Variants in CDKL5 observed in about 807,000 individuals in gnomAD.
CDKL5 encodes cyclin dependent kinase like 5.
A neutral mutation model predicts 61.7 loss-of-function variants in CDKL5; 8 were observed. That is an observed-to-expected ratio of 0.13 (90% CI 0.08 to 0.23). The LOEUF is 0.23. Among genes scored for constraint, CDKL5 ranks in the 10% least tolerant of loss-of-function variants. CDKL5 has a pLI of 1.00. For synonymous variants in CDKL5, 275 were observed against 272.3 expected (o/e 1.01, Z -0.10); for missense variants, 440 against 734.5 (o/e 0.60, Z 4.63).
chrX:18,531,341 A>C (rs141459228), intron 3 of CDKL5, among the ~76,000 whole-genome samples: 1,622 of 112,051 alleles, frequency 0.014, 18 homozygotes, highest in Middle Eastern at 0.046. Context: ...TTTCAAATTA[A>C]TTTTCCTTGT....
chrX:18,612,947 C>A (rs1172779755), intron 14 of CDKL5, among the ~76,000 whole-genome samples: 1 of 109,253 alleles, frequency 9.2e-6, no homozygotes, highest in Non-Finnish European at 1.9e-5. Context: ...AAGAGAACAT[C>A]AGCCGTCTGT....
intron 9 of CDKL5, chrX:18,588,919 A>AAAAAC (rs1569215818): frequency 1.0e-4 from 11 of 109,229 alleles, no homozygotes; most frequent in African/African-American, 3.7e-4. Context: ...GTCTCAAAAA[A>AAAAAC]AAAAACAAAA....
chrX:18,632,813 C>G lies in CDKL5; in HGVS notation c.*4056C>G. The G allele has an allele frequency of 1.3e-6, 1 of 753,205 alleles. No individual in the cohort carries two copies. The highest frequency in any genetic ancestry group is 1.6e-6 in the Non-Finnish European group (1 of 638,223). 62.1% of individuals were successfully genotyped at this position (753,205 alleles called of 1,213,427 possible). A position where few individuals can be genotyped will look rare whatever the true frequency, so the allele number is the denominator to read the frequency against. On this transcript the variant is annotated 3_prime_UTR_variant, in exon 18 of 18. Coordinates refer to ENST00000623535, the MANE Select transcript of CDKL5 (RefSeq NM_001323289.2). Reference sequence around the variant, plus strand: ...GGAAATGCTATCCCATTTTCCCTTTCCAGCCCCTCTTAGTTAAGATCATAG... The same window carrying G: ...GGAAATGCTATCCCATTTTCCCTTTGCAGCCCCTCTTAGTTAAGATCATAG...
intron 3 of CDKL5, among the ~76,000 whole-genome samples, chrX:18,526,450 TTCTTA>T (rs1427474314): frequency 2.7e-5 from 3 of 112,019 alleles, no homozygotes; most frequent in Non-Finnish European, 5.6e-5. Context: ...TTCTTTCCTT[TTCTTA>T]TCTTATTGTA....
rs1165726459 is a variant in CDKL5, at chrX:18,599,439, T to A, written c.977+826T>A. ...CTATTACAAGATAAATAGAAAACAA[T>A]GATTCTTTATTTTTATTTTTTAGTT... is the stretch of plus-strand genomic sequence containing the variant. On this transcript the variant is annotated intron_variant, in intron 11 of 17. Coordinates refer to ENST00000623535, the MANE Select transcript of CDKL5 (RefSeq NM_001323289.2). Among the ~76,000 whole-genome samples the A allele has an allele frequency of 2.7e-5, 3 of 112,309 alleles. No homozygotes were observed. In the East Asian group the frequency reaches 8.4e-4, roughly 32 times the overall value.
intron 3 of CDKL5, among the ~76,000 whole-genome samples, chrX:18,556,345 T>G (rs1010544660): frequency 9.0e-6 from 1 of 111,580 alleles, no homozygotes; most frequent in Non-Finnish European, 1.9e-5. Context: ...CAGAATCACT[T>G]TCTACAACAA....
intron 3 of CDKL5, among the ~76,000 whole-genome samples, chrX:18,551,782 AG>A (rs1435232002): frequency 8.4e-5 from 9 of 107,176 alleles, no homozygotes; most frequent in African/African-American, 2.7e-4. Context: ...GTGCAGAGAC[AG>A]GGTTTCACCA....
At chrX:18,509,491 G>A (rs994675105) in intron 2 of CDKL5, among the ~76,000 whole-genome samples, 25 of 111,234 alleles carry the variant, frequency 2.2e-4, no homozygotes, top group African/African-American at 8.2e-4. Context: ...TTGTATCCGT[G>A]AAGCCCCCTT....
intron 1 of CDKL5, among the ~76,000 whole-genome samples, chrX:18,429,148 CCTT>C (rs1191647420): frequency 5.4e-5 from 6 of 111,173 alleles, no homozygotes; most frequent in African/African-American, 2.0e-4. Context: ...AGGGTAAGGA[CCTT>C]CTACCTAGAG....
chrX:18,507,217 T>A, intron 2 of CDKL5, 57 bp downstream of exon 2: 1 of 802,871 alleles, frequency 1.2e-6, no homozygotes, highest in East Asian at 3.1e-5. Flanking sequence ...TAGTTATTCC[T>A]ACCACCAAAA....
intron 14 of CDKL5, among the ~76,000 whole-genome samples, chrX:18,612,906 A>T (rs1926601770): frequency 9.1e-6 from 1 of 109,395 alleles, no homozygotes. Flanking sequence ...GAGAAAATGC[A>T]GTAGGATAAC....
rs1010401093 is a variant in CDKL5, at chrX:18,631,917, G to A, written c.*3160G>A. ...CAACTAGGGGCAGATTTACCCCCAA[G>A]GGTACATTTGGCAATGTCTGGGGAC... On this transcript the variant is annotated 3_prime_UTR_variant, in exon 18 of 18. Transcript: ENST00000623535. 7 of 717,071 alleles carry A rather than the reference G, an allele frequency of 9.8e-6. No individual in the cohort carries two copies. The highest frequency in any genetic ancestry group is 1.2e-5 in the Non-Finnish European group (7 of 606,623). The allele number at this position is 717,071 out of a possible 1,213,427, so 59.1% of individuals were successfully genotyped here.
At chrX:18,527,808 T>C (rs974320849) in intron 3 of CDKL5, among the ~76,000 whole-genome samples, 3 of 111,915 alleles carry the variant, frequency 2.7e-5, no homozygotes, top group South Asian at 3.7e-4. Context: ...AGATTATTGA[T>C]TTTACGTCTG....
At chrX:18,431,548 A>C (rs1288695866) in intron 1 of CDKL5, among the ~76,000 whole-genome samples, 2 of 107,199 alleles carry the variant, frequency 1.9e-5, no homozygotes, top group Non-Finnish European at 3.8e-5. Context: ...CAGCCTCTGG[A>C]GTAGCTGGGA....
At chrX:18,431,588 AT>A (rs1157151696) in intron 1 of CDKL5, among the ~76,000 whole-genome samples, 26 of 101,861 alleles carry the variant, frequency 2.6e-4, no homozygotes, top group South Asian at 4.4e-4. Flanking sequence ...TGCCTAGCTA[AT>A]TTTTTTTTTT....
intron 3 of CDKL5, among the ~76,000 whole-genome samples, chrX:18,546,327 T>C (rs915240856): frequency 2.9e-5 from 3 of 102,050 alleles, no homozygotes; most frequent in African/African-American, 1.1e-4. Flanking sequence ...AATGGTGCAA[T>C]CTCTGCTCAC....
At chrX:18,647,140 G>A (rs1291641857) in intron 20 of CDKL5, 1 of 1,188,089 alleles carries the variant, frequency 8.4e-7, no homozygotes, top group Non-Finnish European at 1.1e-6. Flanking sequence ...TGGTAGAGAG[G>A]CCTATTTTTT....
chrX:18,480,124 T>C, intron 1 of CDKL5, among the ~76,000 whole-genome samples: 1 of 112,239 alleles, frequency 8.9e-6, no homozygotes, highest in Middle Eastern at 4.6e-3. Context: ...AATGTCTTTT[T>C]TTTTCTGCTC....
At position 18,631,799 on chromosome X, in the gene CDKL5, C is replaced by T. The variant is rs1927244771; in HGVS notation, c.*3042C>T. The T allele has an allele frequency of 1.3e-6, 1 of 753,539 alleles. No homozygotes were observed. The highest frequency in any genetic ancestry group is 2.3e-5 in the African/African-American group (1 of 43,835). The allele number at this position is 753,539 out of a possible 1,213,427, so 62.1% of individuals were successfully genotyped here. On this transcript the variant is annotated 3_prime_UTR_variant, in exon 18 of 18. Coordinates refer to ENST00000623535, the MANE Select transcript of CDKL5 (RefSeq NM_001323289.2). ...CTTTAACTGAACCTTGTTGGTCTTG[C>T]TCTAAAATTTAGCCTCTTTCTAGAG...
Sources: gnomAD v4.1 joint callset for allele counts (sites outside exome capture counted in the v4.1 genomes callset) on GRCh38, gnomAD v4.1.1 for gene constraint, MANE v1.5 for transcripts, NCBI Gene and HGNC (gene_info 2026-07-23, HGNC 2026-07-21) for gene names.